Variants in HUNK observed in about 807,000 individuals in gnomAD.
HUNK encodes the protein hormonally up-regulated Neu-associated kinase.
HUNK carries 21 observed loss-of-function variants against 61.0 expected under a neutral mutation model. The ratio of observed to expected loss-of-function variants is 0.34; its 90% CI spans 0.24 to 0.50. HUNK has a LOEUF of 0.50. Among genes scored for constraint, HUNK ranks in the 20% least tolerant of loss-of-function variants. HUNK has a pLI of 0.98. For missense variants in HUNK, 772 were observed against 945.7 expected (o/e 0.82, Z 2.41); for synonymous variants, 371 against 386.1 (o/e 0.96, Z 0.46).
At chr21:31,927,879 T>A (rs71314154) in intron 2 of HUNK, among the ~76,000 whole-genome samples, 1 of 152,050 alleles carries the variant, frequency 6.6e-6, no homozygotes. Flanking sequence ...CTCACCAAGG[T>A]GAGAGCACCT....
At chr21:31,950,717 G>GAAAACCA (rs1280800708) in intron 4 of HUNK, among the ~76,000 whole-genome samples, 4 of 152,164 alleles carry the variant, frequency 2.6e-5, no homozygotes, top group African/African-American at 9.7e-5. Context: ...AGTGGAAATG[G>GAAAACCA]AAAACCAAAA....
At chr21:31,954,599 T>G (rs2052875148) in intron 4 of HUNK, among the ~76,000 whole-genome samples, 1 of 152,108 alleles carries the variant, frequency 6.6e-6, no homozygotes. Flanking sequence ...TGGGCACAGG[T>G]TCTTTGAGCT....
chr21:31,913,958 C>T lies in HUNK; in HGVS notation c.262-10510C>T, dbSNP rs552283404. Among the ~76,000 whole-genome samples, 23 of 152,186 alleles carry T rather than the reference C, an allele frequency of 1.5e-4. No individual in the cohort carries two copies. In the South Asian group the frequency reaches 4.8e-3, roughly 32 times the overall value. On this transcript the variant is annotated intron_variant, in intron 1 of 10. Transcript: ENST00000270112. ...TCCGTGTCTACCCACTCCTCTGAAC[C>T]AAACACGCAGAGCCTACTGACCACC...
chr21:31,984,874 G>A (rs1053285588), intron 8 of HUNK, among the ~76,000 whole-genome samples: 5 of 152,182 alleles, frequency 3.3e-5, no homozygotes, highest in African/African-American at 1.2e-4. Flanking sequence ...AGACATACCC[G>A]AGACTGGGTA....
chr21:31,986,318 C>T (rs1421473933), intron 8 of HUNK, among the ~76,000 whole-genome samples: 1 of 151,986 alleles, frequency 6.6e-6, no homozygotes, highest in East Asian at 1.9e-4. Context: ...AACCCATCAC[C>T]ACATTCTGCC....
chr21:31,901,990 A>T (rs1241180546), intron 1 of HUNK, among the ~76,000 whole-genome samples: 1 of 152,132 alleles, frequency 6.6e-6, no homozygotes, highest in Admixed American at 6.5e-5. Flanking sequence ...CCAGCTGGAC[A>T]GACTGTGGGC....
rs1372022816 is a variant in HUNK, at chr21:31,995,762, T to A, written c.1306-6T>A. On this transcript the variant is annotated splice_polypyrimidine_tract_variant and splice_region_variant and intron_variant, in intron 9 of 10. Transcript: ENST00000270112. ...CTAAGTGCATATGTTTGCTTCTGAT[T>A]TGTAGGATAAAAAGCCCAAAGAACA... The A allele has an allele frequency of 1.9e-6, 3 of 1,612,134 alleles. No homozygotes were observed. The highest frequency in any genetic ancestry group is 2.5e-6 in the Non-Finnish European group (3 of 1,178,824).
chr21:31,906,319 T>C (rs2052505054), intron 1 of HUNK, among the ~76,000 whole-genome samples: 1 of 152,196 alleles, frequency 6.6e-6, no homozygotes, highest in African/African-American at 2.4e-5. Flanking sequence ...CCAAAAGGCA[T>C]GATTTAATTC....
At chr21:31,988,673 C>T (rs80182557) in intron 8 of HUNK, among the ~76,000 whole-genome samples, 94 of 150,666 alleles carry the variant, frequency 6.2e-4, no homozygotes, top group Non-Finnish European at 9.6e-4. Flanking sequence ...TTCTTTCTTT[C>T]TCTTTCTTTT....
At chr21:31,947,089 A>G (rs1366620308) in intron 4 of HUNK, among the ~76,000 whole-genome samples, 2 of 147,914 alleles carry the variant, frequency 1.4e-5, no homozygotes. Flanking sequence ...GCATTCCCAT[A>G]TCCCAGTCTC....
rs558678829 is a variant in HUNK at position 31,992,948 on chromosome 21, C to T, written c.1305+2772C>T. Among the ~76,000 whole-genome samples, 5 of 152,226 alleles carry T rather than the reference C, an allele frequency of 3.3e-5. No homozygotes were observed. The South Asian group carries it at 6.2e-4, about 19-fold the overall frequency. Reference sequence around the variant, plus strand: ...AGGTGGGGTGAATTTCTTGATTTCTCCTTAGACACCAGTTACTATGAAATC... The same window carrying T: ...AGGTGGGGTGAATTTCTTGATTTCTTCTTAGACACCAGTTACTATGAAATC... On this transcript the variant is annotated intron_variant, in intron 9 of 10. Transcript: ENST00000270112.
chr21:31,964,176 C>G (rs2052947865), intron 5 of HUNK, among the ~76,000 whole-genome samples: 1 of 152,184 alleles, frequency 6.6e-6, no homozygotes. Context: ...GCTGTGAATT[C>G]TCCAAAGTCA....
chr21:31,886,693 C>T (rs2052348459), intron 1 of HUNK, among the ~76,000 whole-genome samples: 1 of 151,452 alleles, frequency 6.6e-6, no homozygotes. Context: ...CAGTTCCGCT[C>T]TTGTTGCCCA....
At chr21:31,879,795 G>C (rs1252272858) in intron 1 of HUNK, among the ~76,000 whole-genome samples, 1 of 152,166 alleles carries the variant, frequency 6.6e-6, no homozygotes, top group Non-Finnish European at 1.5e-5. Flanking sequence ...AAGGAGGCTT[G>C]GGCACAGGGT....
At chr21:31,940,903 C>A (rs1379840539) in intron 3 of HUNK, among the ~76,000 whole-genome samples, 10 of 152,080 alleles carry the variant, frequency 6.6e-5, no homozygotes, top group Non-Finnish European at 1.5e-5. Context: ...TTTCTTTTTT[C>A]TCCCACCTCA....
At chr21:31,888,976 G>T (rs1476196209) in intron 1 of HUNK, among the ~76,000 whole-genome samples, 1 of 152,128 alleles carries the variant, frequency 6.6e-6, no homozygotes, top group Non-Finnish European at 1.5e-5. Flanking sequence ...GAGTAGCTCT[G>T]GTTCGCATCA....
intron 4 of HUNK, among the ~76,000 whole-genome samples, chr21:31,954,992 G>A (rs58412829): frequency 0.032 from 4,880 of 151,932 alleles, 262 homozygotes; most frequent in African/African-American, 0.11. Flanking sequence ...CATGTTGCCC[G>A]CCCAGGCTGA....
At chr21:31,897,581 ACT>A (rs1240192896) in intron 1 of HUNK, among the ~76,000 whole-genome samples, 1 of 151,882 alleles carries the variant, frequency 6.6e-6, no homozygotes, top group Non-Finnish European at 1.5e-5. Context: ...ATCTGCAAAG[ACT>A]CTATTTCCAA....
At chr21:31,927,846 C>G (rs2052671539) in intron 2 of HUNK, among the ~76,000 whole-genome samples, 1 of 152,114 alleles carries the variant, frequency 6.6e-6, no homozygotes, top group Non-Finnish European at 1.5e-5. Context: ...TGGGTAGGCA[C>G]CATTCAGGCC....
Sources: allele counts gnomAD v4.1 joint callset (sites outside exome capture counted in the v4.1 genomes callset), GRCh38; gene constraint gnomAD v4.1.1; transcripts MANE v1.5; gene names NCBI Gene and HGNC (gene_info 2026-07-23, HGNC 2026-07-21).